KIF18B: variants seen among roughly 807,000 people sequenced by gnomAD.
KIF18B encodes the protein kinesin family member 18B, also known as kinesin-like protein KIF18B.
In KIF18B, 49 loss-of-function variants were observed where a neutral mutation model predicts 80.9. That is an observed-to-expected ratio of 0.61 (90% CI 0.48 to 0.77). KIF18B has a LOEUF of 0.77. Ranked by LOEUF, KIF18B falls within the 30% of genes least tolerant of loss-of-function variation. The pLI is 0.00. For missense variants in KIF18B, 994 were observed against 1,127.7 expected (o/e 0.88, Z 1.70); for synonymous variants, 439 against 463.9 (o/e 0.95, Z 0.69).
At chr17:44,932,005 C>T (rs1205660211) in intron 10 of KIF18B, 51 bp downstream of exon 10, 5 of 1,552,552 alleles carry the variant, frequency 3.2e-6, no homozygotes, top group South Asian at 2.4e-5. Context: ...TCCAATATCC[C>T]ACCAGCTCCA....
chr17:44,946,449 A>G (rs190560743), intron 1 of KIF18B, among the ~76,000 whole-genome samples: 2 of 152,362 alleles, frequency 1.3e-5, no homozygotes, highest in East Asian at 3.9e-4. Context: ...AGAAAGCAAT[A>G]TAACATTGAG....
At position 44,925,440 on chromosome 17, in the gene KIF18B, T is replaced by G. The variant is rs2052006188; in HGVS notation, c.*640A>C. On this transcript the variant is annotated 3_prime_UTR_variant, in exon 16 of 16. Transcript: ENST00000593135. ...TCCAGCCTGGGCGACAGAGCGAGAC[T>G]CCATCTCAAAAAAAAAAAAGATGGG... 1 of 147,700 alleles carries G rather than the reference T, an allele frequency of 6.8e-6. No homozygotes were observed. The allele number at this position is 147,700 out of a possible 1,614,324, so 9.1% of individuals were successfully genotyped here.
intron 12 of KIF18B, 22 bp downstream of exon 12, chr17:44,928,797 G>A (rs898657884): frequency 3.1e-6 from 5 of 1,609,532 alleles, no homozygotes; most frequent in African/African-American, 2.7e-5. Context: ...AGACAGGCAG[G>A]GGAGAGCAGG....
At position 44,927,691 on chromosome 17, in the gene KIF18B, G is replaced by A. The variant is rs923032004; in HGVS notation, c.2276+335C>T. Among the ~76,000 whole-genome samples, 1 of 152,262 alleles carries A rather than the reference G, an allele frequency of 6.6e-6. No homozygotes were observed. Among genetic ancestry groups the A allele is most frequent in the African/African-American group, 2.4e-5 (1 of 41,468 alleles). On this transcript the variant is annotated intron_variant, in intron 13 of 15. Transcript: ENST00000593135. The surrounding 1 kb of genome is among the most constrained non-coding windows in gnomAD (Gnocchi z 4.1). ...GCCCAGGCCAAAGAGCCCAAGTAAA[G>A]AGAGGAACAGAAGTGTTGGGTTCCC...
intron 11 of KIF18B, among the ~76,000 whole-genome samples, chr17:44,930,952 T>C (rs2052132974): frequency 6.6e-6 from 1 of 152,132 alleles, no homozygotes; most frequent in Admixed American, 6.5e-5. Context: ...AAACAGGCCC[T>C]TCTGTCCAGA....
At chr17:44,933,197 C>T (rs2052197027) in intron 7 of KIF18B, among the ~76,000 whole-genome samples, 1 of 152,026 alleles carries the variant, frequency 6.6e-6, no homozygotes, top group Non-Finnish European at 1.5e-5. Context: ...ACCTTCTTGC[C>T]AGGGTTAGGG....
rs1379209283 is a variant in KIF18B, at chr17:44,924,800, C to T, written c.*1280G>A. On this transcript the variant is annotated 3_prime_UTR_variant, in exon 16 of 16. Transcript: ENST00000593135. ...ATAAAGGATCAGAAGGCTATAAACCCAAGTATCATTAGCATTTATATCTAG... is the reference window on the plus strand; with the variant it reads ...ATAAAGGATCAGAAGGCTATAAACCTAAGTATCATTAGCATTTATATCTAG... 4 of 151,976 alleles carry T rather than the reference C, an allele frequency of 2.6e-5. No individual in the cohort carries two copies. Among genetic ancestry groups the T allele is most frequent in the East Asian group, 3.9e-4 (2 of 5,194 alleles). The allele number at this position is 151,976 out of a possible 1,614,324, so 9.4% of individuals were successfully genotyped here. A position where few individuals can be genotyped will look rare whatever the true frequency, so the allele number is the denominator to read the frequency against.
At chr17:44,946,702 C>T (rs1323496341) in intron 1 of KIF18B, among the ~76,000 whole-genome samples, 2 of 152,174 alleles carry the variant, frequency 1.3e-5, no homozygotes, top group Non-Finnish European at 2.9e-5. Flanking sequence ...ACAGACCAGG[C>T]TTAATCTTTT....
At position 44,925,627 on chromosome 17, in the gene KIF18B, G is replaced by A. The variant is rs116645750; in HGVS notation, c.*453C>T. 3,264 of 206,202 alleles carry A rather than the reference G, an allele frequency of 0.016. 91 individuals are homozygous for A. The highest frequency in any genetic ancestry group is 0.064 in the African/African-American group (2,625 of 41,030). The allele number at this position is 206,202 out of a possible 1,614,324, so 12.8% of individuals were successfully genotyped here. On this transcript the variant is annotated 3_prime_UTR_variant, in exon 16 of 16. Coordinates refer to ENST00000593135, the MANE Select transcript of KIF18B (RefSeq NM_001265577.2). ...AAAACCCCCTCTCTATTAAAAAGAC[G>A]AAAATTAGCTGGGTGTGGTGATGGG...
At chr17:44,931,460 CAAG>C (rs1336841011) in intron 11 of KIF18B, 139 bp downstream of exon 11, 2 of 1,074,314 alleles carry the variant, frequency 1.9e-6, no homozygotes, top group Non-Finnish European at 2.8e-6. Context: ...ACGATAACAA[CAAG>C]GAGGTGAAAC....
intron 7 of KIF18B, 64 bp from the exon 8 acceptor site, chr17:44,933,050 C>T (rs539761513): frequency 7.8e-5 from 115 of 1,480,874 alleles, no homozygotes; most frequent in Non-Finnish European, 9.9e-5. Flanking sequence ...CAGCCACCGC[C>T]GATGGCCAGG....
intron 9 of KIF18B, chr17:44,932,449 C>T (rs1023835812): frequency 6.7e-5 from 40 of 594,574 alleles, no homozygotes; most frequent in Non-Finnish European, 1.0e-4. Flanking sequence ...CACCTTCTCT[C>T]GAATAGTAGG....
chr17:44,926,517 G>A lies in KIF18B; in HGVS notation c.2367-18C>T. The stretch of plus-strand genomic sequence containing the variant: ...CTGAGGAACTGAGGGAGGAAAGGAG[G>A]GAAGGTGGAAGGTTACGGCCCTGTC... On this transcript the variant is annotated intron_variant, in intron 14 of 15. Transcript: ENST00000593135. The A allele has an allele frequency of 1.9e-6, 3 of 1,566,958 alleles. No individual in the cohort carries two copies. The highest frequency in any genetic ancestry group is 2.6e-6 in the Non-Finnish European group (3 of 1,158,952).
Position 44,929,007 on chromosome 17 carries a change from A to G in KIF18B, c.1535T>C (p.Leu512Pro). Residue 512 changes from leucine to proline, a missense_variant, in exon 12 of 16, where the codon CTG becomes CCG. Leu to Pro is a moderately conservative substitution (Grantham distance 98). Transcript: ENST00000593135. Reference protein sequence around the residue: ...DRSKQLALKVLCVAQRQYSLL... With the variant: ...DRSKQLALKVPCVAQRQYSLL... ...GGAGTACTGCCGCTGGGCAACGCAC[A>G]GCACCTTTAGGGCCAACCTGGAACA... 6.2e-7 allele frequency: 1 copy of G among 1,614,028 alleles called. No individual in the cohort carries two copies. The highest frequency in any genetic ancestry group is 8.5e-7 in the Non-Finnish European group (1 of 1,179,894).
chr17:44,930,785 T>C (rs1251870943), intron 11 of KIF18B, among the ~76,000 whole-genome samples: 1 of 152,122 alleles, frequency 6.6e-6, no homozygotes, highest in East Asian at 1.9e-4. Context: ...GGTTGTTCCC[T>C]GGGAGATCAG....
rs1296347969 is a variant in KIF18B, at chr17:44,926,584, T to C, written c.2367-85A>G. Reference sequence around the variant, plus strand: ...GCATTGAAGTGGGGCATATAAGTACTTGACACTAAGCCCTGAGAGCAAAGG... The same window carrying C: ...GCATTGAAGTGGGGCATATAAGTACCTGACACTAAGCCCTGAGAGCAAAGG... On this transcript the variant is annotated intron_variant, in intron 14 of 15. Transcript: ENST00000593135. The C allele has an allele frequency of 3.0e-6, 4 of 1,313,968 alleles. No individual in the cohort carries two copies. The South Asian group carries it at 4.6e-5, about 15-fold the overall frequency. The allele number at this position is 1,313,968 out of a possible 1,614,324, so 81.4% of individuals were successfully genotyped here.
intron 1 of KIF18B, among the ~76,000 whole-genome samples, chr17:44,944,911 A>G (rs1422262486): frequency 2.6e-5 from 4 of 152,014 alleles, no homozygotes; most frequent in Non-Finnish European, 5.9e-5. Flanking sequence ...GTATGTCCCT[A>G]TTTTTGCTCC....
At position 44,934,717 on chromosome 17, in the gene KIF18B, C is replaced by A; in HGVS notation, c.577-100G>T. ...CTTCAGAATCTACATCACCCCCTTG[C>A]TACCACCACCACTGCTACCACCATC... On this transcript the variant is annotated intron_variant, in intron 4 of 15. Transcript: ENST00000593135. The surrounding 1 kb of genome is among the most constrained non-coding windows in gnomAD (Gnocchi z 5.4). The A allele has an allele frequency of 7.9e-7, 1 of 1,262,762 alleles. No individual in the cohort carries two copies. The highest frequency in any genetic ancestry group is 1.5e-5 in the South Asian group (1 of 68,682). The allele number at this position is 1,262,762 out of a possible 1,614,324, so 78.2% of individuals were successfully genotyped here.
At chr17:44,930,654 A>G (rs2052125915) in intron 11 of KIF18B, among the ~76,000 whole-genome samples, 1 of 152,186 alleles carries the variant, frequency 6.6e-6, no homozygotes, top group African/African-American at 2.4e-5. Context: ...AGTCAAGGCC[A>G]AGGTTGAAGC....
Sources: gnomAD v4.1 joint callset for allele counts (sites outside exome capture counted in the v4.1 genomes callset) on GRCh38, gnomAD v4.1.1 for gene constraint, Gnocchi (gnomAD v3.1) non-coding constraint, MANE v1.5 for transcripts, NCBI Gene and HGNC (gene_info 2026-07-23, HGNC 2026-07-21) for gene names.